LRRC74A: variants seen among roughly 807,000 people sequenced by gnomAD.
The protein encoded by LRRC74A is leucine rich repeat containing 74A.
In LRRC74A, 44 loss-of-function variants were observed where a neutral mutation model predicts 57.9. The ratio of observed to expected loss-of-function variants is 0.76; its 90% CI spans 0.60 to 0.98. The LOEUF (loss-of-function observed/expected upper bound fraction) is 0.98, where lower values mean the gene tolerates loss of function less well. Among genes scored for constraint, LRRC74A ranks in the 50% least tolerant of loss-of-function variants. The pLI, the probability that LRRC74A is intolerant of heterozygous loss-of-function variation, is 0.00. For synonymous variants in LRRC74A, 211 were observed against 219.4 expected (o/e 0.96, Z 0.34); for missense variants, 572 against 574.0 (o/e 1.00, Z 0.04).
chr14:76,864,435 A>AGGGGGGGGG (rs1898599231), intron 11 of LRRC74A, among the ~76,000 whole-genome samples: 1 of 1,556 alleles, frequency 6.4e-4, no homozygotes, highest in African/African-American at 2.5e-3. Context: ...GGCGGGGGGA[A>AGGGGGGGGG]GGGGGGTGGC....
At chr14:76,857,117 G>A (rs1237179250) in intron 9 of LRRC74A, among the ~76,000 whole-genome samples, 2 of 119,688 alleles carry the variant, frequency 1.7e-5, no homozygotes, top group Admixed American at 1.9e-4. Flanking sequence ...TGGGTAGGTG[G>A]ATAGATGGAT....
chr14:76,853,508 G>T, intron 9 of LRRC74A, 98 bp downstream of exon 9: 1 of 1,097,280 alleles, frequency 9.1e-7, no homozygotes, highest in Non-Finnish European at 1.3e-6. Flanking sequence ...GTACTGGAGA[G>T]AATAATTGGG....
chr14:76,857,178 ATG>A (rs1897965032), intron 9 of LRRC74A, among the ~76,000 whole-genome samples, 200 bp from the exon 10 acceptor site: 1 of 138,282 alleles, frequency 7.2e-6, no homozygotes, highest in Admixed American at 7.8e-5. Flanking sequence ...AGATGGATGG[ATG>A]AATGGATGGA....
Position 76,844,474 on chromosome 14 carries a change from T to A in LRRC74A, c.594+2T>A, listed in dbSNP as rs1488462546. 6.2e-7 allele frequency: 1 copy of A among 1,611,560 alleles called. No individual in the cohort carries two copies. The highest frequency in any genetic ancestry group is 1.7e-5 in the Admixed American group (1 of 59,714). Reference sequence around the variant, plus strand: ...GCACTGCTCTGCCAAGCCCTGTCGGTAAGAGGCAGGGAGTGCAGCCAAGCC... The same window carrying A: ...GCACTGCTCTGCCAAGCCCTGTCGGAAAGAGGCAGGGAGTGCAGCCAAGCC... On this transcript the variant is annotated splice_donor_variant, in intron 6 of 13. Coordinates refer to ENST00000689127, the MANE Select transcript of LRRC74A (RefSeq NM_001385106.1). LOFTEE classifies it high-confidence loss of function.
intron 9 of LRRC74A, among the ~76,000 whole-genome samples, chr14:76,854,071 G>A (rs562992092): frequency 2.0e-5 from 3 of 151,994 alleles, no homozygotes; most frequent in South Asian, 2.1e-4. Flanking sequence ...CAGTCCACCC[G>A]GTGCTCTCCC....
chr14:76,847,258 C>T (rs973306507), intron 7 of LRRC74A, among the ~76,000 whole-genome samples: 34 of 152,088 alleles, frequency 2.2e-4, no homozygotes, highest in African/African-American at 7.5e-4. Flanking sequence ...CCTATTTTAA[C>T]TATTCACAGT....
intron 11 of LRRC74A, 124 bp from the exon 12 acceptor site, chr14:76,865,844 T>C (rs953261702): frequency 1.1e-5 from 8 of 753,644 alleles, no homozygotes; most frequent in African/African-American, 1.7e-5. Context: ...CACCTTGGCC[T>C]TCTGCCCTTT....
chr14:76,842,998 G>C (rs1194811881), intron 5 of LRRC74A, among the ~76,000 whole-genome samples: 1 of 152,138 alleles, frequency 6.6e-6, no homozygotes, highest in Non-Finnish European at 1.5e-5. Flanking sequence ...TGCAGGGTCA[G>C]ATTTTAAAAT....
chr14:76,838,431 G>A (rs80346732), intron 5 of LRRC74A, among the ~76,000 whole-genome samples: 3,460 of 152,144 alleles, frequency 0.023, 59 homozygotes, highest in Middle Eastern at 0.061. Context: ...AAATTCAATG[G>A]CACATTAGTT....
At chr14:76,847,421 T>C (rs1412034620) in intron 7 of LRRC74A, among the ~76,000 whole-genome samples, 1 of 152,122 alleles carries the variant, frequency 6.6e-6, no homozygotes, top group Non-Finnish European at 1.5e-5. Flanking sequence ...ACATTATCCT[T>C]AGCAAACTAA....
intron 5 of LRRC74A, among the ~76,000 whole-genome samples, chr14:76,839,546 T>G (rs1252560974): frequency 6.6e-6 from 1 of 152,242 alleles, no homozygotes; most frequent in Non-Finnish European, 1.5e-5. Flanking sequence ...CCTAGAACTA[T>G]ACCTAGTACA....
chr14:76,830,720 C>CT lies in LRRC74A; in HGVS notation c.167-482dup, dbSNP rs376219710. 3.0e-3 allele frequency among the ~76,000 whole-genome samples: 453 copies of CT among 152,322 alleles called. 3 individuals carry two copies. The highest frequency in any genetic ancestry group is 0.01 in the African/African-American group (433 of 41,554). ...GGGCTTTTTAAATGTTGGTGCCTCT[C>CT]TAAGTCTTTGGTGAAGCTTTTTTCA... On this transcript the variant is annotated intron_variant, in intron 2 of 13. Coordinates refer to ENST00000689127, the MANE Select transcript of LRRC74A (RefSeq NM_001385106.1).
chr14:76,847,432 C>T (rs1336687473), intron 7 of LRRC74A, among the ~76,000 whole-genome samples: 7 of 152,008 alleles, frequency 4.6e-5, no homozygotes, highest in African/African-American at 1.7e-4. Context: ...AGCAAACTAA[C>T]ATAGGAAGAG....
chr14:76,839,794 G>A (rs573819503), intron 5 of LRRC74A, among the ~76,000 whole-genome samples: 7 of 151,920 alleles, frequency 4.6e-5, no homozygotes, highest in African/African-American at 1.7e-4. Context: ...GTACTTTCTC[G>A]ACCTCGACTC....
chr14:76,844,471 C>T lies in LRRC74A; in HGVS notation c.593C>T (p.Ser198Leu), dbSNP rs146932163. The change falls in exon 6 of 14, where the codon TCG becomes TTG. Residue 198 changes from serine (S) to leucine (L), a missense_variant and splice_region_variant. Coordinates refer to ENST00000689127, the MANE Select transcript of LRRC74A (RefSeq NM_001385106.1). The stretch of plus-strand genomic sequence containing the variant: ...GCAGCACTGCTCTGCCAAGCCCTGT[C>T]GGTAAGAGGCAGGGAGTGCAGCCAA... ...DSAALLCQAL[S>L]TNYQIKKLDL... 5.3e-4 allele frequency: 851 copies of T among 1,611,468 alleles called. 11 individuals are homozygous for T. In the South Asian group the frequency reaches 6.8e-3, roughly 13 times the overall value.
In LRRC74A at chr14:76,826,493, T is replaced by C. The variant is rs1239770355; in HGVS notation, c.-205T>C. On this transcript the variant is annotated 5_prime_UTR_variant, in exon 1 of 14. Transcript: ENST00000689127. ...TCTCCCAGACAGAGTTGGGGTCAAA[T>C]TCATGCACATCCAATTCCCATCAAA... The C allele has an allele frequency of 6.4e-7, 1 of 1,571,018 alleles. No individual in the cohort carries two copies. Among genetic ancestry groups the C allele is most frequent in the Non-Finnish European group, 8.7e-7 (1 of 1,155,340 alleles).
rs756104384 is a variant in LRRC74A at position 76,828,441 on chromosome 14, CAGTCAGGG to C, written c.166+23_166+30del. 60 of 1,613,674 alleles carry C rather than the reference CAGTCAGGG, an allele frequency of 3.7e-5. 1 individual carries two copies. In the South Asian group the frequency reaches 5.6e-4, roughly 15 times the overall value. Reference sequence around the variant, plus strand: ...GAAGGCGAGCATGGGCATTTGGGGGCAGTCAGGGCAGCTTCTCCTCAGAAACTGGAGAA... The same window carrying C: ...GAAGGCGAGCATGGGCATTTGGGGGCCAGCTTCTCCTCAGAAACTGGAGAA... On this transcript the variant is annotated intron_variant, in intron 2 of 13. Coordinates refer to ENST00000689127, the MANE Select transcript of LRRC74A (RefSeq NM_001385106.1).
At chr14:76,844,086 C>T (rs1345448687) in intron 5 of LRRC74A, among the ~76,000 whole-genome samples, 2 of 152,174 alleles carry the variant, frequency 1.3e-5, no homozygotes, top group Non-Finnish European at 2.9e-5. Context: ...GCAGCCTCGA[C>T]CTCCTGGGTT....
chr14:76,861,836 C>T (rs1898335893), intron 11 of LRRC74A, among the ~76,000 whole-genome samples: 1 of 152,218 alleles, frequency 6.6e-6, no homozygotes, highest in African/African-American at 2.4e-5. Flanking sequence ...GGGGATGCTG[C>T]TCTGCCAATG....
Sources: allele counts gnomAD v4.1 joint callset (sites outside exome capture counted in the v4.1 genomes callset), GRCh38; gene constraint gnomAD v4.1.1; transcripts MANE v1.5; gene names NCBI Gene and HGNC (gene_info 2026-07-23, HGNC 2026-07-21).